The following FBXL7 variants were observed in gnomAD, a reference collection of about 807,000 sequenced individuals.
FBXL7 encodes the protein F-box/LRR-repeat protein 7.
Under a neutral mutation model 38.3 loss-of-function variants are expected in FBXL7, and 12 were observed. The observed-to-expected ratio is 0.31, with a 90% CI of 0.20 to 0.51. The LOEUF (loss-of-function observed/expected upper bound fraction) is 0.51. Ranked by LOEUF, FBXL7 falls within the 20% of genes least tolerant of loss-of-function variation. The probability of loss-of-function intolerance (pLI) is 0.98; values close to 1 mark genes in which losing one functional copy is unlikely to be tolerated. For missense variants in FBXL7, 567 were observed against 676.4 expected, an observed-to-expected ratio of 0.84 and a Z score of 1.79; for synonymous variants, 297 against 300.9, an observed-to-expected ratio of 0.99 and a Z score of 0.13.
chr5:15,854,331 T>C (rs984333036), intron 2 of FBXL7, among the ~76,000 whole-genome samples: 3 of 152,106 alleles, frequency 2.0e-5, no homozygotes, highest in African/African-American at 7.2e-5. Context: ...TGAAAAAAAA[T>C]CAAATTCCAA....
chr5:15,567,371 GT>G, intron 1 of FBXL7, among the ~76,000 whole-genome samples: 1 of 152,070 alleles, frequency 6.6e-6, no homozygotes, highest in African/African-American at 2.4e-5. Flanking sequence ...AAAGATATTT[GT>G]TTTTTCTTCC....
intron 2 of FBXL7, among the ~76,000 whole-genome samples, chr5:15,697,404 G>A (rs1743375217): frequency 6.6e-6 from 1 of 152,244 alleles, no homozygotes; most frequent in South Asian, 2.1e-4. Flanking sequence ...ACATTTTGAA[G>A]GATCTAAATG....
chr5:15,694,458 G>T (rs994327682), intron 2 of FBXL7, among the ~76,000 whole-genome samples: 1 of 152,170 alleles, frequency 6.6e-6, no homozygotes, highest in African/African-American at 2.4e-5. Context: ...ATGCTGAGAT[G>T]TGAGTGGCCT....
chr5:15,618,564 T>C (rs1238738092), intron 2 of FBXL7, among the ~76,000 whole-genome samples: 1 of 152,206 alleles, frequency 6.6e-6, no homozygotes, highest in African/African-American at 2.4e-5. Context: ...GAGTAGCCAG[T>C]GCTAATTTCC....
At chr5:15,587,146 A>G (rs923092794) in intron 1 of FBXL7, among the ~76,000 whole-genome samples, 1 of 152,212 alleles carries the variant, frequency 6.6e-6, no homozygotes, top group Admixed American at 6.5e-5. Flanking sequence ...TTCTACATTC[A>G]TATGGACTAC....
At position 15,851,339 on chromosome 5, in the gene FBXL7, C is replaced by A. The variant is rs891210794; in HGVS notation, c.128-76551C>A. 2.0e-5 allele frequency among the ~76,000 whole-genome samples: 3 copies of A among 152,264 alleles called. No homozygotes were observed. In the East Asian group the frequency reaches 5.8e-4, roughly 29 times the overall value. On this transcript the variant is annotated intron_variant, in intron 2 of 3. Transcript: ENST00000504595. ...GAAGTGCAAGTTGAAAACAGATATT[C>A]TCTTTGTCAGAATCACTCATACAAT...
intron 2 of FBXL7, among the ~76,000 whole-genome samples, chr5:15,732,530 C>G (rs749730134): frequency 6.6e-6 from 1 of 152,068 alleles, no homozygotes; most frequent in African/African-American, 2.4e-5. Flanking sequence ...GAAACTCCAG[C>G]ATGTGGGATG....
chr5:15,587,127 G>A (rs890194378), intron 1 of FBXL7, among the ~76,000 whole-genome samples: 2 of 152,144 alleles, frequency 1.3e-5, no homozygotes, highest in Non-Finnish European at 2.9e-5. Context: ...TGGAAAATCC[G>A]CCTGTGACTT....
Position 15,525,207 on chromosome 5 carries a change from G to C in FBXL7, c.37+24494G>C, listed in dbSNP as rs960231731. ...GTTGAAAGTTCCTGGCACCTCCTAA[G>C]TTTTACAAGTGTTAACAATTCTTTA... On this transcript the variant is annotated intron_variant, in intron 1 of 3. Transcript: ENST00000504595. 2.0e-5 allele frequency among the ~76,000 whole-genome samples: 3 copies of C among 152,136 alleles called. No homozygotes were observed. In the East Asian group the frequency reaches 5.8e-4, roughly 29 times the overall value.
chr5:15,790,450 A>G (rs1737244951), intron 2 of FBXL7, among the ~76,000 whole-genome samples: 1 of 152,164 alleles, frequency 6.6e-6, no homozygotes, highest in African/African-American at 2.4e-5. Flanking sequence ...AGCTTAGTGA[A>G]GTGCCTGGCG....
intron 2 of FBXL7, among the ~76,000 whole-genome samples, chr5:15,851,449 C>G (rs992285511): frequency 6.6e-6 from 1 of 152,102 alleles, no homozygotes; most frequent in East Asian, 1.9e-4. Context: ...GGCTAGAACT[C>G]ATTTTATCAG....
intron 1 of FBXL7, among the ~76,000 whole-genome samples, chr5:15,537,432 C>A (rs1737617549): frequency 6.6e-6 from 1 of 152,054 alleles, no homozygotes; most frequent in Admixed American, 6.5e-5. Context: ...TTTATATAAA[C>A]CCTTAAACCA....
At chr5:15,690,211 C>T (rs1016343966) in intron 2 of FBXL7, among the ~76,000 whole-genome samples, 4 of 152,126 alleles carry the variant, frequency 2.6e-5, no homozygotes, top group Admixed American at 1.3e-4. Flanking sequence ...ACTTTCAAAA[C>T]TCAGCAGTTA....
Position 15,693,172 on chromosome 5 carries a change from T to G in FBXL7, c.127+77100T>G, listed in dbSNP as rs12153747. ...AACTGCCTTCTCATGGGGTCTTACT[T>G]TGGCAAGTGACTTGGGCCAAAAAGC... On this transcript the variant is annotated intron_variant, in intron 2 of 3. Coordinates refer to ENST00000504595, the MANE Select transcript of FBXL7 (RefSeq NM_012304.5). 3.3e-5 allele frequency among the ~76,000 whole-genome samples: 5 copies of G among 151,988 alleles called. No individual in the cohort carries two copies. The East Asian group carries it at 7.8e-4, about 24-fold the overall frequency.
intron 2 of FBXL7, among the ~76,000 whole-genome samples, chr5:15,677,876 C>A (rs1277616380): frequency 6.6e-6 from 1 of 152,120 alleles, no homozygotes; most frequent in Non-Finnish European, 1.5e-5. Context: ...ATTACCCTAA[C>A]CCCTCTTTTT....
chr5:15,818,716 G>T (rs902079857), intron 2 of FBXL7, among the ~76,000 whole-genome samples: 1 of 87,248 alleles, frequency 1.1e-5, no homozygotes, highest in Admixed American at 9.4e-5. Context: ...GTGTGTGTGT[G>T]TGTGTGTGTG....
At chr5:15,750,891 T>C (rs1736136563) in intron 2 of FBXL7, among the ~76,000 whole-genome samples, 1 of 152,222 alleles carries the variant, frequency 6.6e-6, no homozygotes, top group Admixed American at 6.5e-5. Flanking sequence ...TGAAGTTCAC[T>C]GGCAGAAGTG....
intron 1 of FBXL7, among the ~76,000 whole-genome samples, chr5:15,591,973 G>T (rs540066467): frequency 1.1e-3 from 161 of 152,274 alleles, no homozygotes; most frequent in African/African-American, 3.6e-3. Context: ...GCCTCCTGAA[G>T]TTCTGGGATT....
intron 2 of FBXL7, among the ~76,000 whole-genome samples, chr5:15,682,197 T>C (rs950486658): frequency 6.6e-6 from 1 of 152,248 alleles, no homozygotes; most frequent in African/African-American, 2.4e-5. Flanking sequence ...ATAGGTGAAC[T>C]TGTGGCCTGC....
Sources: gnomAD v4.1 joint callset for allele counts (sites outside exome capture counted in the v4.1 genomes callset) on GRCh38, gnomAD v4.1.1 for gene constraint, MANE v1.5 for transcripts, NCBI Gene and HGNC (gene_info 2026-07-23, HGNC 2026-07-21) for gene names.